The following MROH2A variants were observed in gnomAD, a reference collection of about 807,000 sequenced individuals.
The protein encoded by MROH2A is maestro heat-like repeat-containing protein family member 2A.
A neutral mutation model predicts 200.4 loss-of-function variants in MROH2A; 174 were observed. The ratio of observed to expected loss-of-function variants is 0.87; its 90% CI spans 0.77 to 0.98. The LOEUF is 0.98. Ranked by LOEUF, MROH2A falls within the 50% of genes least tolerant of loss-of-function variation. The pLI is 0.00. For synonymous variants in MROH2A, 829 were observed against 840.4 expected (o/e 0.99, Z 0.23); for missense variants, 2,045 against 2,139.6 (o/e 0.96, Z 0.87).
chr2:233,801,240 A>G (rs886645449), intron 14 of MROH2A, among the ~76,000 whole-genome samples: 7 of 148,028 alleles, frequency 4.7e-5, no homozygotes, highest in East Asian at 2.1e-4. Context: ...GGGAGATTCT[A>G]GTCCTGGTGG....
intron 3 of MROH2A, among the ~76,000 whole-genome samples, chr2:233,782,773 G>A (rs1575890593): frequency 6.6e-6 from 1 of 152,076 alleles, no homozygotes; most frequent in Non-Finnish European, 1.5e-5. Flanking sequence ...GGTAAAAGTG[G>A]GCATTTTTAT....
At position 233,816,842 on chromosome 2, in the gene MROH2A, A is replaced by G. The variant is rs1181148977; in HGVS notation, c.2918A>G (p.His973Arg). The change falls in exon 27 of 42, where the codon CAT becomes CGT. Residue 973 changes from histidine (H) to arginine (R), a missense_variant. By Grantham distance (29) the His-to-Arg change is conservative. Around this residue, in one of 3 missense-constraint regions of MROH2A, gnomAD observed 1,201 missense variants for 1,311.3 expected, o/e 0.92. Transcript: ENST00000389758. Reference sequence around the variant, plus strand: ...GAGCGGGAAAAGGCCGTGAGCCTCCATCTCTATCTCATGTGGATTTATGTC... The same window carrying G: ...GAGCGGGAAAAGGCCGTGAGCCTCCGTCTCTATCTCATGTGGATTTATGTC... ...EWEREKAVSLHLYLMWIYVHS... is the reference protein window; with the variant it reads ...EWEREKAVSLRLYLMWIYVHS... The G allele has an allele frequency of 9.7e-6, 15 of 1,550,256 alleles. No homozygotes were observed. The highest frequency in any genetic ancestry group is 2.0e-5 in the Admixed American group (1 of 50,982).
chr2:233,813,462 T>C (rs1042992564), intron 24 of MROH2A, among the ~76,000 whole-genome samples: 4 of 152,164 alleles, frequency 2.6e-5, no homozygotes, highest in Admixed American at 1.3e-4. Context: ...CCCCTGCATC[T>C]CCCCTTCAAT....
chr2:233,803,441 C>T lies in MROH2A; in HGVS notation c.1709-7C>T. The T allele has an allele frequency of 3.2e-6, 5 of 1,550,508 alleles. No homozygotes were observed. Among genetic ancestry groups the T allele is most frequent in the Non-Finnish European group, 4.4e-6 (5 of 1,146,948 alleles). On this transcript the variant is annotated splice_region_variant and splice_polypyrimidine_tract_variant and intron_variant, in intron 15 of 41. Coordinates refer to ENST00000389758, the MANE Select transcript of MROH2A (RefSeq NM_001394639.1). ...GGCTCAGCTGGGGTTGCATTTCCTTCAATCAGTGGACCTGCCTGCACCTCA... is the reference window on the plus strand; with the variant it reads ...GGCTCAGCTGGGGTTGCATTTCCTTTAATCAGTGGACCTGCCTGCACCTCA...
chr2:233,790,169 T>A (rs1701626891), intron 5 of MROH2A, among the ~76,000 whole-genome samples, 155 bp downstream of exon 5: 1 of 152,168 alleles, frequency 6.6e-6, no homozygotes, highest in African/African-American at 2.4e-5. Flanking sequence ...TCTGCAGTCC[T>A]TTTGTCTCTT....
At chr2:233,802,795 C>T (rs1702552663) in intron 15 of MROH2A, among the ~76,000 whole-genome samples, 1 of 152,248 alleles carries the variant, frequency 6.6e-6, no homozygotes, top group South Asian at 2.1e-4. Flanking sequence ...TTCCCTCCAA[C>T]TCTGGCCCCA....
rs895916432 is a variant in MROH2A at position 233,833,245 on chromosome 2, C to T, written c.5011C>T (p.Gln1671Ter). ...CSQHGFLASP[Q>*]GMS ...TCAGCATGGGTTTCTGGCTTCACCC[C>T]AAGGAATGTCCTAGGTGGTCCAAAC... is the stretch of plus-strand genomic sequence containing the variant. The change falls in exon 42 of 42, where the codon CAA (glutamine) becomes TAA (stop). Residue 1671 changes from glutamine to a stop codon, truncating the protein, a stop_gained. Transcript: ENST00000389758. LOFTEE classifies it high-confidence loss of function. 2.6e-6 allele frequency: 4 copies of T among 1,549,218 alleles called. No homozygotes were observed. In the Admixed American group the frequency reaches 7.9e-5, roughly 31 times the overall value.
chr2:233,811,922 G>A lies in MROH2A; in HGVS notation c.2614G>A (p.Val872Met). The change falls in exon 24 of 42, where the codon GTG (valine) becomes ATG (methionine). Residue 872 changes from valine (V) to methionine (M), a missense_variant. Physicochemically the swap from Val to Met is conservative, Grantham distance 21 (BLOSUM62 1). This residue lies in a region of MROH2A where 1,201 missense variants were observed against 1,311.3 expected (regional missense o/e 0.92). Transcript: ENST00000389758. ...AEPTDNLVSP[V>M]RALAMEALSH... ...ACCGACTGACAACCTGGTTTCTCCA[G>A]TGCGAGCCTTGGCGATGGAGGCCCT... is the stretch of plus-strand genomic sequence containing the variant. 6.4e-7 allele frequency: 1 copy of A among 1,550,410 alleles called. No individual in the cohort carries two copies. The highest frequency in any genetic ancestry group is 8.7e-7 in the Non-Finnish European group (1 of 1,146,964).
intron 5 of MROH2A, 115 bp from the exon 6 acceptor site, chr2:233,792,680 AG>A (rs1701860265): frequency 1.5e-6 from 1 of 671,352 alleles, no homozygotes; most frequent in Admixed American, 2.3e-5. Flanking sequence ...CAGAGGGCTA[AG>A]CCAGCTCTGG....
chr2:233,822,754 A>T (rs1322270476), intron 33 of MROH2A, 127 bp from the exon 34 acceptor site: 1 of 1,279,226 alleles, frequency 7.8e-7, no homozygotes. Context: ...CCCTCCCTGG[A>T]CCTTTCCCTC....
Position 233,823,633 on chromosome 2 carries a change from T to C in MROH2A, c.4082T>C (p.Leu1361Pro). The change falls in exon 35 of 42, where the codon CTG becomes CCG. Residue 1361 changes from leucine to proline, a missense_variant. Leu to Pro is a moderately conservative substitution (Grantham distance 98, BLOSUM62 -3). Transcript: ENST00000389758. ...CTCAGGGGCATGGACTCAGAAGTCC[T>C]GAGCTGCCGCATCAGCAGCACAGCG... Reference protein sequence around the residue: ...LVLRGMDSEVLSCRISSTAVC... With the variant: ...LVLRGMDSEVPSCRISSTAVC... 1 of 1,550,498 alleles carries C rather than the reference T, an allele frequency of 6.4e-7. No individual in the cohort carries two copies. Among genetic ancestry groups the C allele is most frequent in the Non-Finnish European group, 8.7e-7 (1 of 1,146,974 alleles).
rs1703006360 is a variant in MROH2A at position 233,809,344 on chromosome 2, ACT to A, written c.2448+71_2448+72del. ...GGCTGGTGGGTAGTAGCCTTCTGGC[ACT>A]CTCTGGGCTCCTGCATCCCTACCCA... On this transcript the variant is annotated intron_variant, in intron 22 of 41. Coordinates refer to ENST00000389758, the MANE Select transcript of MROH2A (RefSeq NM_001394639.1). The A allele has an allele frequency of 2.0e-6, 3 of 1,502,586 alleles. No individual in the cohort carries two copies. The African/African-American group carries it at 4.2e-5, about 21-fold the overall frequency. The allele number at this position is 1,502,586 out of a possible 1,614,324, so 93.1% of individuals were successfully genotyped here. A position where few individuals can be genotyped will look rare whatever the true frequency, so the allele number is the denominator to read the frequency against.
At chr2:233,829,343 C>A (rs1435461401) in intron 37 of MROH2A, among the ~76,000 whole-genome samples, 1 of 152,096 alleles carries the variant, frequency 6.6e-6, no homozygotes, top group Admixed American at 6.5e-5. Flanking sequence ...ACAAATACCC[C>A]CAGGGCACCT....
At chr2:233,821,989 T>C in intron 31 of MROH2A, 135 bp from the exon 32 acceptor site, 2 of 1,123,280 alleles carry the variant, frequency 1.8e-6, no homozygotes, top group Non-Finnish European at 1.2e-6. Context: ...TTTTGGCGGC[T>C]CCCTCCGCCT....
chr2:233,831,631 G>C, intron 39 of MROH2A, 91 bp downstream of exon 39: 1 of 1,404,040 alleles, frequency 7.1e-7, no homozygotes, highest in Non-Finnish European at 9.6e-7. Context: ...CTCTTTCTTG[G>C]GGCCCTATGT....
At chr2:233,810,349 G>T (rs148766393) in intron 22 of MROH2A, among the ~76,000 whole-genome samples, 137 of 152,324 alleles carry the variant, frequency 9.0e-4, no homozygotes, top group African/African-American at 2.7e-3. Flanking sequence ...GGCAGCAAGA[G>T]AAAAATGAGG....
Position 233,807,148 on chromosome 2 carries a change from T to C in MROH2A, c.2053-275T>C, listed in dbSNP as rs927486663. On this transcript the variant is annotated intron_variant, in intron 19 of 41. Transcript: ENST00000389758. The surrounding 1 kb of genome is among the most constrained non-coding windows in gnomAD (Gnocchi z 4.3). ...TTTTTTGTGGCTGAGTAGTATTCCATTATATATATATATAATATGAACTGA... is the reference window on the plus strand; with the variant it reads ...TTTTTTGTGGCTGAGTAGTATTCCACTATATATATATATAATATGAACTGA... Among the ~76,000 whole-genome samples the C allele has an allele frequency of 4.7e-5, 7 of 150,060 alleles. No homozygotes were observed. The highest frequency in any genetic ancestry group is 1.3e-4 in the Admixed American group (2 of 15,050).
chr2:233,818,594 G>T (rs187322478), intron 28 of MROH2A, 58 bp from the exon 29 acceptor site: 124 of 1,098,350 alleles, frequency 1.1e-4, no homozygotes, highest in African/African-American at 9.4e-4. Flanking sequence ...AGCCACGAAG[G>T]GGGGGTGGCT....
rs936893809 is a variant in MROH2A at position 233,802,162 on chromosome 2, C to G, written c.1561-6C>G. 5.2e-6 allele frequency: 8 copies of G among 1,547,688 alleles called. No homozygotes were observed. The African/African-American group carries it at 9.6e-5, about 19-fold the overall frequency. On this transcript the variant is annotated splice_region_variant and splice_polypyrimidine_tract_variant and intron_variant, in intron 14 of 41. Transcript: ENST00000389758. ...TGAGCCCCTTTCTCTCCCACCCCTA[C>G]CCCAGGAGTTTTGGGTGAGGCTGCT...
Sources: gnomAD v4.1 joint callset for allele counts (sites outside exome capture counted in the v4.1 genomes callset) on GRCh38, gnomAD v4.1.1 for gene constraint, gnomAD v4.1.1 regional missense constraint, Gnocchi (gnomAD v3.1) non-coding constraint, MANE v1.5 for transcripts, NCBI Gene and HGNC (gene_info 2026-07-23, HGNC 2026-07-21) for gene names.